Variants in TNR observed in about 807,000 individuals in gnomAD.
TNR encodes the protein tenascin R, also known as tenascin-R.
In TNR, 45 loss-of-function variants were observed where a neutral mutation model predicts 150.4. The ratio of observed to expected loss-of-function variants is 0.30; its 90% CI spans 0.24 to 0.38. TNR has a LOEUF of 0.38. Among genes scored for constraint, TNR ranks in the 10% least tolerant of loss-of-function variants. The pLI, the probability that TNR is intolerant of heterozygous loss-of-function variation, is 1.00. For synonymous variants in TNR, 687 were observed against 678.4 expected, an observed-to-expected ratio of 1.01 and a Z score of -0.20; for missense variants, 1,544 against 1,759.1, an observed-to-expected ratio of 0.88 and a Z score of 2.19.
intron 2 of TNR, among the ~76,000 whole-genome samples, chr1:175,509,607 T>C (rs2102157747): frequency 6.6e-6 from 1 of 152,292 alleles, no homozygotes; most frequent in Middle Eastern, 3.4e-3. Context: ...TTGACACTAG[T>C]GTTGAGAAAA....
intron 1 of TNR, among the ~76,000 whole-genome samples, chr1:175,622,567 A>T (rs575856120): frequency 6.6e-6 from 1 of 152,298 alleles, no homozygotes; most frequent in East Asian, 1.9e-4. Context: ...GTCCTTTGCC[A>T]ACTCCTACGC....
chr1:175,392,827 A>G (rs543226829), intron 6 of TNR, among the ~76,000 whole-genome samples: 1 of 152,314 alleles, frequency 6.6e-6, no homozygotes, highest in African/African-American at 2.4e-5. Flanking sequence ...CGTAGTGTCT[A>G]TAAATTAAAC....
At chr1:175,387,044 G>C (rs1652972508) in intron 7 of TNR, among the ~76,000 whole-genome samples, 1 of 152,144 alleles carries the variant, frequency 6.6e-6, no homozygotes, top group Non-Finnish European at 1.5e-5. Flanking sequence ...CATAAGCCCT[G>C]GCCCCTGGCA....
chr1:175,648,232 T>C (rs913396966), intron 1 of TNR, among the ~76,000 whole-genome samples: 2 of 152,162 alleles, frequency 1.3e-5, no homozygotes, highest in African/African-American at 4.8e-5. Flanking sequence ...GCCGCAGCTA[T>C]GTTTCTACCC....
In TNR at chr1:175,564,571, GA is replaced by G. The variant is rs1661563576; in HGVS notation, c.-164-36203del. 9.8e-5 allele frequency among the ~76,000 whole-genome samples: 15 copies of G among 152,300 alleles called. No individual in the cohort carries two copies. In the South Asian group the frequency reaches 2.7e-3, roughly 27 times the overall value. On this transcript the variant is annotated intron_variant, in intron 1 of 22. Transcript: ENST00000367674. ...GATGCTGACTCTAGACATTCCTGGG[GA>G]CAGCTCCAGAATTTCCATATAGGAG...
chr1:175,567,128 G>A (rs556851853), intron 1 of TNR, among the ~76,000 whole-genome samples: 34 of 152,122 alleles, frequency 2.2e-4, no homozygotes, highest in Non-Finnish European at 4.7e-4. Context: ...TCCTGTTCAA[G>A]CCTTGGCATG....
intron 2 of TNR, among the ~76,000 whole-genome samples, chr1:175,412,435 G>C (rs1210199721): frequency 6.6e-6 from 1 of 152,026 alleles, no homozygotes; most frequent in Non-Finnish European, 1.5e-5. Flanking sequence ...TTGTTTGATG[G>C]CTCTTTATTT....
chr1:175,426,002 A>G (rs970754986), intron 2 of TNR, among the ~76,000 whole-genome samples: 2 of 152,152 alleles, frequency 1.3e-5, no homozygotes, highest in African/African-American at 4.8e-5. Flanking sequence ...TTAAACCATG[A>G]CTTGCCTCCA....
intron 1 of TNR, among the ~76,000 whole-genome samples, chr1:175,673,619 G>T (rs1264487721): frequency 6.6e-6 from 1 of 152,238 alleles, no homozygotes; most frequent in Non-Finnish European, 1.5e-5. Flanking sequence ...GCTAGCTGAG[G>T]ATGTGCGGAT....
rs567978797 is a variant in TNR, at chr1:175,555,262, T to A, written c.-164-26893A>T. Among the ~76,000 whole-genome samples the A allele has an allele frequency of 3.9e-5, 6 of 152,230 alleles. No individual in the cohort carries two copies. The South Asian group carries it at 1.0e-3, about 26-fold the overall frequency. On this transcript the variant is annotated intron_variant, in intron 1 of 22. Transcript: ENST00000367674. ...TACAGAGGGGAAAAATCTCAGATAT[T>A]TGAGGTAGTCAAATTCTTGCAAGTG...
chr1:175,516,291 C>T (rs1659402905), intron 2 of TNR, among the ~76,000 whole-genome samples: 1 of 152,164 alleles, frequency 6.6e-6, no homozygotes, highest in African/African-American at 2.4e-5. Flanking sequence ...AAGGGGGACT[C>T]AGTGAACCAC....
intron 1 of TNR, among the ~76,000 whole-genome samples, chr1:175,621,491 C>T (rs1419819623): frequency 6.6e-6 from 1 of 152,218 alleles, no homozygotes; most frequent in Non-Finnish European, 1.5e-5. Context: ...CCATTATCCT[C>T]ACTGCCAGAT....
At chr1:175,481,353 G>A (rs1160287150) in intron 2 of TNR, among the ~76,000 whole-genome samples, 1 of 152,206 alleles carries the variant, frequency 6.6e-6, no homozygotes, top group Non-Finnish European at 1.5e-5. Context: ...TACCTGAAAG[G>A]AGAGCCTGGG....
chr1:175,699,632 T>C (rs1474893728), intron 1 of TNR, among the ~76,000 whole-genome samples: 1 of 151,836 alleles, frequency 6.6e-6, no homozygotes, highest in Non-Finnish European at 1.5e-5. Flanking sequence ...GCTGTCTATT[T>C]TGGTAGGTGG....
chr1:175,497,933 A>C lies in TNR; in HGVS notation c.-64+30336T>G, dbSNP rs1466644625. On this transcript the variant is annotated intron_variant, in intron 2 of 22. Coordinates refer to ENST00000367674, the MANE Select transcript of TNR (RefSeq NM_003285.3). ...AAATTAGCTGGGCGTGGTGGTGTGC[A>C]CCTGTTGTCCCAGCTACTCAGGAGG... 4.6e-5 allele frequency among the ~76,000 whole-genome samples: 7 copies of C among 151,998 alleles called. No individual in the cohort carries two copies. The East Asian group carries it at 1.4e-3, about 29-fold the overall frequency.
In TNR at chr1:175,406,599, C is replaced by T; in HGVS notation, c.116G>A (p.Arg39Lys). ...SECQLEVTTERVQRQSVEEEG... is the reference protein window; with the variant it reads ...SECQLEVTTEKVQRQSVEEEG... ...CTCCTCCACTGACTGTCTCTGGACC[C>T]TTTCTGTGGTGACCTCCAGCTGACA... is the stretch of plus-strand genomic sequence containing the variant. Residue 39 changes from arginine to lysine, a missense_variant, in exon 3 of 23, where the codon AGG (arginine) becomes AAG (lysine). Coordinates refer to ENST00000367674, the MANE Select transcript of TNR (RefSeq NM_003285.3). 1 of 1,614,206 alleles carries T rather than the reference C, an allele frequency of 6.2e-7. No individual in the cohort carries two copies. Among genetic ancestry groups the T allele is most frequent in the Middle Eastern group, 1.6e-4 (1 of 6,062 alleles).
chr1:175,701,618 A>G (rs1666697502), intron 1 of TNR, among the ~76,000 whole-genome samples: 1 of 152,170 alleles, frequency 6.6e-6, no homozygotes. Flanking sequence ...TCTCAAATTT[A>G]CCCACTAATG....
chr1:175,677,912 A>G (rs1202234548), intron 1 of TNR, among the ~76,000 whole-genome samples: 1 of 152,080 alleles, frequency 6.6e-6, no homozygotes, highest in African/African-American at 2.4e-5. Flanking sequence ...AGAATGACAG[A>G]GAGAGGAAAG....
chr1:175,721,142 T>C (rs1034362414), intron 1 of TNR, among the ~76,000 whole-genome samples: 15 of 152,228 alleles, frequency 9.9e-5, no homozygotes, highest in African/African-American at 2.9e-4. Context: ...TCAGCTTAAA[T>C]GCCACCTCCT....
Sources: allele counts gnomAD v4.1 joint callset (sites outside exome capture counted in the v4.1 genomes callset), GRCh38; gene constraint gnomAD v4.1.1; transcripts MANE v1.5; gene names NCBI Gene and HGNC (gene_info 2026-07-23, HGNC 2026-07-21).